The following ALDH1A2 variants were observed in gnomAD, a reference collection of about 807,000 sequenced individuals.
The protein encoded by ALDH1A2 is aldehyde dehydrogenase 1 family member A2, also known as retinal dehydrogenase 2.
In ALDH1A2, 27 loss-of-function variants were observed where a neutral mutation model predicts 60.3. The ratio of observed to expected loss-of-function variants is 0.45; its 90% confidence interval spans 0.33 to 0.62. The LOEUF (loss-of-function observed/expected upper bound fraction) is 0.62. Among genes scored for constraint, ALDH1A2 ranks in the 20% least tolerant of loss-of-function variants. The pLI, the probability that ALDH1A2 is intolerant of heterozygous loss-of-function variation, is 0.02. For missense variants in ALDH1A2, 581 were observed against 643.8 expected, an observed-to-expected ratio of 0.90 and a Z score of 1.06; for synonymous variants, 289 against 232.4, an observed-to-expected ratio of 1.24 and a Z score of -2.21.
intron 12 of ALDH1A2, 125 bp downstream of exon 12, chr15:57,960,645 T>G: frequency 1.3e-6 from 1 of 799,614 alleles, no homozygotes; most frequent in Non-Finnish European, 2.1e-6. Context: ...TAGTAGCATG[T>G]GCTCCACGAA....
rs142582687 is a variant in ALDH1A2 at position 58,022,638 on chromosome 15, C to T, written c.118-8357G>A. ...CACACTCAACCCACCACTGCAACCA[C>T]TAGGGCCTAAAGACTGGCCTACCTG... On this transcript the variant is annotated intron_variant, in intron 1 of 12. Transcript: ENST00000249750. Among the ~76,000 whole-genome samples the T allele has an allele frequency of 1.6e-4, 24 of 152,156 alleles. 1 individual carries two copies. Among genetic ancestry groups the T allele is most frequent in the Non-Finnish European group, 2.9e-5 (2 of 68,034 alleles).
intron 4 of ALDH1A2, among the ~76,000 whole-genome samples, chr15:58,004,521 G>A (rs772511948): frequency 1.6e-4 from 24 of 151,448 alleles, no homozygotes; most frequent in African/African-American, 3.6e-4. Flanking sequence ...AGGTCTCTCC[G>A]TATGTCCATG....
At chr15:58,033,839 T>G (rs1362032214) in intron 1 of ALDH1A2, among the ~76,000 whole-genome samples, 1 of 116,622 alleles carries the variant, frequency 8.6e-6, no homozygotes, top group Non-Finnish European at 2.0e-5. Flanking sequence ...CTATTTCACT[T>G]ATTTTTCTGT....
At chr15:58,061,605 A>AC (rs1805397272) in intron 1 of ALDH1A2, among the ~76,000 whole-genome samples, 2 of 145,830 alleles carry the variant, frequency 1.4e-5, no homozygotes, top group Non-Finnish European at 3.0e-5. Flanking sequence ...CAAAAAAAAA[A>AC]AAAACAAAAA....
intron 12 of ALDH1A2, among the ~76,000 whole-genome samples, chr15:57,956,844 C>CTTCACCCCCAT (rs1206363564): frequency 6.6e-6 from 1 of 152,196 alleles, no homozygotes; most frequent in African/African-American, 2.4e-5. Flanking sequence ...GCGAGCCACA[C>CTTCACCCCCAT]TTCACCCCCA....
At chr15:57,997,936 C>T (rs1432480767) in intron 4 of ALDH1A2, among the ~76,000 whole-genome samples, 3 of 151,818 alleles carry the variant, frequency 2.0e-5, no homozygotes, top group Non-Finnish European at 4.4e-5. Flanking sequence ...GAACTCTTCC[C>T]AAAAGAGCAC....
At chr15:58,027,411 G>C (rs1896109978) in intron 1 of ALDH1A2, among the ~76,000 whole-genome samples, 1 of 152,156 alleles carries the variant, frequency 6.6e-6, no homozygotes, top group South Asian at 2.1e-4. Context: ...AAGACCAAAG[G>C]TAGATAAAAC....
intron 7 of ALDH1A2, among the ~76,000 whole-genome samples, chr15:57,981,105 CT>C (rs1170786953): frequency 6.6e-6 from 1 of 152,104 alleles, no homozygotes; most frequent in Non-Finnish European, 1.5e-5. Flanking sequence ...ATTCTTTTCT[CT>C]TTTTCTCTTT....
chr15:58,036,053 T>C (rs540977924), intron 1 of ALDH1A2, among the ~76,000 whole-genome samples: 1 of 151,828 alleles, frequency 6.6e-6, no homozygotes, highest in African/African-American at 2.4e-5. Flanking sequence ...TCTTACTACT[T>C]CTATTTAATA....
intron 4 of ALDH1A2, among the ~76,000 whole-genome samples, chr15:57,997,431 C>G (rs562507015): frequency 6.6e-6 from 1 of 151,782 alleles, no homozygotes; most frequent in African/African-American, 2.4e-5. Flanking sequence ...AGTCACAGAC[C>G]ACAGAATCAG....
chr15:57,985,059 A>C (rs1180081786), intron 7 of ALDH1A2, among the ~76,000 whole-genome samples: 1 of 152,162 alleles, frequency 6.6e-6, no homozygotes, highest in Non-Finnish European at 1.5e-5. Context: ...TATACTCATA[A>C]GATGTTGGTA....
intron 9 of ALDH1A2, among the ~76,000 whole-genome samples, chr15:57,962,854 T>G (rs769215539): frequency 2.0e-5 from 3 of 152,208 alleles, no homozygotes; most frequent in Non-Finnish European, 4.4e-5. Context: ...AAACCCATGC[T>G]TTAGTGACCC....
chr15:57,965,550 G>A (rs148569497), intron 8 of ALDH1A2, among the ~76,000 whole-genome samples, 175 bp downstream of exon 8: 23 of 152,212 alleles, frequency 1.5e-4, no homozygotes, highest in Non-Finnish European at 2.6e-4. Flanking sequence ...TGGTTCAGTC[G>A]TCAACTGAAA....
At chr15:58,028,424 T>C (rs1896137812) in intron 1 of ALDH1A2, among the ~76,000 whole-genome samples, 1 of 152,078 alleles carries the variant, frequency 6.6e-6, no homozygotes, top group Non-Finnish European at 1.5e-5. Flanking sequence ...AAGGAACAAC[T>C]GGTACCAGCC....
chr15:58,025,339 G>C (rs1384435252), intron 1 of ALDH1A2, among the ~76,000 whole-genome samples: 1 of 152,046 alleles, frequency 6.6e-6, no homozygotes. Context: ...ATTGAAAATT[G>C]AAAACAGAGA....
chr15:57,972,379 C>A (rs947444584), intron 7 of ALDH1A2, among the ~76,000 whole-genome samples: 5 of 152,174 alleles, frequency 3.3e-5, no homozygotes, highest in African/African-American at 9.7e-5. Context: ...ACTTAGCCAT[C>A]CTTTTGTTAC....
intron 7 of ALDH1A2, among the ~76,000 whole-genome samples, chr15:57,967,931 C>A (rs1375739847): frequency 2.6e-5 from 4 of 152,108 alleles, no homozygotes; most frequent in Non-Finnish European, 4.4e-5. Context: ...GAGAATCTGG[C>A]CCTCTCTTCT....
chr15:58,058,118 T>C, intron 1 of ALDH1A2: 4 of 1,503,422 alleles, frequency 2.7e-6, no homozygotes, highest in Non-Finnish European at 3.6e-6. Flanking sequence ...CCTAGAGAAA[T>C]AAGACTTTCA....
chr15:57,990,541 C>CA (rs1566940280), intron 7 of ALDH1A2: 3 of 152,118 alleles, frequency 2.0e-5, no homozygotes, highest in African/African-American at 7.2e-5. Flanking sequence ...AAGGTGTTAT[C>CA]TCTTGTTTGA....
Sources: gnomAD v4.1 joint callset for allele counts (sites outside exome capture counted in the v4.1 genomes callset) on GRCh38, gnomAD v4.1.1 for gene constraint, MANE v1.5 for transcripts, NCBI Gene and HGNC (gene_info 2026-07-23, HGNC 2026-07-21) for gene names.